APBB2: variants seen among roughly 807,000 people sequenced by gnomAD.
APBB2 encodes Fe65-like 1.
A neutral mutation model predicts 82.5 loss-of-function variants in APBB2; 38 were observed. The observed-to-expected ratio is 0.46, with a 90% CI of 0.36 to 0.60. The LOEUF (loss-of-function observed/expected upper bound fraction) is 0.60. Among genes scored for constraint, APBB2 ranks in the 20% least tolerant of loss-of-function variants. APBB2 has a pLI of 0.00. For synonymous variants in APBB2, 341 were observed against 368.2 expected (o/e 0.93, Z 0.85); for missense variants, 772 against 972.3 (o/e 0.79, Z 2.74).
chr4:40,856,920 C>G (rs1360556427), intron 12 of APBB2: 2 of 982,942 alleles, frequency 2.0e-6, no homozygotes, highest in African/African-American at 3.5e-5. Context: ...CCGCAGGTCT[C>G]CCGCGCCCGC....
intron 10 of APBB2, among the ~76,000 whole-genome samples, chr4:40,909,866 T>C (rs184653279): frequency 2.6e-5 from 4 of 152,324 alleles, no homozygotes; most frequent in South Asian, 2.1e-4. Context: ...ACAAGCTGCA[T>C]GCTTTACAAC....
In APBB2 at chr4:40,813,402, C is replaced by A. The variant is rs1206328448; in HGVS notation, c.*2690G>T. 6.6e-6 allele frequency: 1 copy of A among 152,152 alleles called. No individual in the cohort carries two copies. The highest frequency in any genetic ancestry group is 2.4e-5 in the African/African-American group (1 of 41,434). The allele number at this position is 152,152 out of a possible 1,614,324, so 9.4% of individuals were successfully genotyped here. A position where few individuals can be genotyped will look rare whatever the true frequency, so the allele number is the denominator to read the frequency against. On this transcript the variant is annotated 3_prime_UTR_variant, in exon 18 of 18. Coordinates refer to ENST00000508593, the MANE Select transcript of APBB2 (RefSeq NM_004307.2). The stretch of plus-strand genomic sequence containing the variant: ...GCTGCCTGTTTACCGAATCACAGAT[C>A]TAAAGAATGCATAGATAACTGAAGT...
At chr4:41,146,734 G>A (rs1034357178) in intron 1 of APBB2, among the ~76,000 whole-genome samples, 1 of 152,134 alleles carries the variant, frequency 6.6e-6, no homozygotes, top group Non-Finnish European at 1.5e-5. Context: ...AAAAGCCAGG[G>A]GAGAGAGGAG....
At chr4:40,952,850 G>A (rs1790583593) in intron 6 of APBB2, among the ~76,000 whole-genome samples, 2 of 152,208 alleles carry the variant, frequency 1.3e-5, no homozygotes, top group Admixed American at 1.3e-4. Context: ...ACTAGGTGCT[G>A]TATCACGCGC....
Position 41,039,608 on chromosome 4 carries a change from C to T in APBB2, c.-50-6304G>A, listed in dbSNP as rs940053771. ...TGCAGTGGTCCACACTTGTAAATCC[C>T]GGCACTTTCAAAGGCCTAGGCAGGC... On this transcript the variant is annotated intron_variant, in intron 4 of 17. Coordinates refer to ENST00000508593, the MANE Select transcript of APBB2 (RefSeq NM_004307.2). Among the ~76,000 whole-genome samples, 5 of 152,244 alleles carry T rather than the reference C, an allele frequency of 3.3e-5. No individual in the cohort carries two copies. The East Asian group carries it at 5.8e-4, about 18-fold the overall frequency.
At chr4:41,123,899 A>G (rs1297108594) in intron 2 of APBB2, among the ~76,000 whole-genome samples, 2 of 152,200 alleles carry the variant, frequency 1.3e-5, no homozygotes, top group Non-Finnish European at 2.9e-5. Flanking sequence ...CTAGCAGGGA[A>G]GGGCAGAGAT....
intron 6 of APBB2, among the ~76,000 whole-genome samples, chr4:40,951,320 G>C (rs1378117166): frequency 6.6e-6 from 1 of 152,186 alleles, no homozygotes; most frequent in Non-Finnish European, 1.5e-5. Flanking sequence ...GTGGAGTTCT[G>C]AGATCAAAAG....
chr4:40,867,480 A>C (rs1364516472), intron 12 of APBB2, among the ~76,000 whole-genome samples: 1 of 152,086 alleles, frequency 6.6e-6, no homozygotes, highest in Non-Finnish European at 1.5e-5. Flanking sequence ...GAGTGAACTC[A>C]ATTATAAGAG....
intron 16 of APBB2, 27 bp downstream of exon 16, chr4:40,823,617 C>T (rs372013290): frequency 1.9e-5 from 29 of 1,495,374 alleles, no homozygotes; most frequent in African/African-American, 2.8e-5. Context: ...ATAAGACACA[C>T]CAATGTCATC....
At chr4:41,112,557 C>T (rs1749568424) in intron 2 of APBB2, among the ~76,000 whole-genome samples, 1 of 152,212 alleles carries the variant, frequency 6.6e-6, no homozygotes, top group Admixed American at 6.5e-5. Context: ...TGCCCACAGT[C>T]CTACCTGATG....
intron 12 of APBB2, among the ~76,000 whole-genome samples, chr4:40,837,667 T>G (rs551528271): frequency 6.6e-6 from 1 of 152,314 alleles, no homozygotes; most frequent in African/African-American, 2.4e-5. Flanking sequence ...ACCCTAGCCA[T>G]TTACAAGGCT....
At position 40,972,436 on chromosome 4, in the gene APBB2, A is replaced by AT. The variant is rs1226872754; in HGVS notation, c.836-27364_836-27363insA. Among the ~76,000 whole-genome samples the AT allele has an allele frequency of 2.3e-3, 211 of 92,154 alleles. 1 individual carries two copies. Among genetic ancestry groups the AT allele is most frequent in the Middle Eastern group, 6.8e-3 (1 of 148 alleles). The allele number at this position is 92,154 out of a possible 152,430, so 60.5% of individuals were successfully genotyped here. A position where few individuals can be genotyped will look rare whatever the true frequency, so the allele number is the denominator to read the frequency against. On this transcript the variant is annotated intron_variant, in intron 6 of 17. Coordinates refer to ENST00000508593, the MANE Select transcript of APBB2 (RefSeq NM_004307.2). ...GAGCGAGACTCCATCTCAAAAAAAA[A>AT]AAAAATAATAATAAATAAATAAATA...
chr4:41,122,433 G>C (rs1019572378), intron 2 of APBB2, among the ~76,000 whole-genome samples: 1 of 152,072 alleles, frequency 6.6e-6, no homozygotes, highest in African/African-American at 2.4e-5. Flanking sequence ...AACACTAGCA[G>C]ATTAATTGTC....
At chr4:41,160,566 A>G (rs1456696452) in intron 1 of APBB2, among the ~76,000 whole-genome samples, 3 of 152,104 alleles carry the variant, frequency 2.0e-5, no homozygotes, top group African/African-American at 7.2e-5. Context: ...CCTTGGGCAA[A>G]TCCCTCAGCG....
intron 1 of APBB2, among the ~76,000 whole-genome samples, chr4:41,152,519 G>A (rs569497115): frequency 3.9e-5 from 6 of 151,910 alleles, no homozygotes; most frequent in Non-Finnish European, 8.8e-5. Context: ...TAGTAGAGAC[G>A]GGATTTCACC....
At chr4:41,194,861 CT>C in intron 1 of APBB2, among the ~76,000 whole-genome samples, 1 of 151,800 alleles carries the variant, frequency 6.6e-6, no homozygotes, top group Non-Finnish European at 1.5e-5. Context: ...TTAATTTTTT[CT>C]TTTTTTATTT....
intron 12 of APBB2, among the ~76,000 whole-genome samples, chr4:40,885,608 G>T (rs1769994876): frequency 6.6e-6 from 1 of 152,174 alleles, no homozygotes; most frequent in South Asian, 2.1e-4. Flanking sequence ...TCTCATAGTT[G>T]CCATTCATTA....
At chr4:41,171,613 GA>G (rs1347603320) in intron 1 of APBB2, among the ~76,000 whole-genome samples, 4 of 152,282 alleles carry the variant, frequency 2.6e-5, no homozygotes, top group Admixed American at 2.0e-4. Context: ...TATCCACTGT[GA>G]CCCAGAATGA....
intron 4 of APBB2, among the ~76,000 whole-genome samples, chr4:41,042,258 G>C (rs970356761): frequency 1.6e-4 from 25 of 152,178 alleles, no homozygotes; most frequent in African/African-American, 5.8e-4. Flanking sequence ...CAAAGTGCTA[G>C]GATTACAGGC....
Sources: allele counts gnomAD v4.1 joint callset (sites outside exome capture counted in the v4.1 genomes callset), GRCh38; gene constraint gnomAD v4.1.1; transcripts MANE v1.5; gene names NCBI Gene and HGNC (gene_info 2026-07-23, HGNC 2026-07-21).